The following ESR1 variants were observed in gnomAD, a reference collection of about 807,000 sequenced individuals.
ESR1 encodes the protein estrogen receptor.
In ESR1, 12 loss-of-function variants were observed where a neutral mutation model predicts 52.7. The ratio of observed to expected loss-of-function variants is 0.23; its 90% CI spans 0.15 to 0.37. The LOEUF (loss-of-function observed/expected upper bound fraction) is 0.37, where lower values mean the gene tolerates loss of function less well. ESR1 is among the 10% of genes least tolerant of loss of function. ESR1 has a pLI of 1.00. For synonymous variants in ESR1, 305 were observed against 316.8 expected (o/e 0.96, Z 0.39); for missense variants, 584 against 779.7 (o/e 0.75, Z 2.99).
At chr6:151,724,522 C>T (rs573731504) in intron 2 of ESR1, among the ~76,000 whole-genome samples, 20 of 152,144 alleles carry the variant, frequency 1.3e-4, no homozygotes, top group Middle Eastern at 3.4e-3. Flanking sequence ...CAAGGATCAC[C>T]GTATGATGCT....
chr6:152,046,798 C>T (rs1384319055), intron 5 of ESR1, among the ~76,000 whole-genome samples: 4 of 152,212 alleles, frequency 2.6e-5, no homozygotes, highest in African/African-American at 9.6e-5. Flanking sequence ...GCATTACTCT[C>T]CTGACAGCTG....
rs1395782571 is a variant in ESR1, at chr6:151,809,515, A to G, written c.452+1151A>G. ...CACATGGCTGGGTCCTGAATTAGGC[A>G]TTTCCCAACTGTACACTGGTATCCG... On this transcript the variant is annotated intron_variant, in intron 1 of 7. Coordinates refer to ENST00000206249, the MANE Select transcript of ESR1 (RefSeq NM_000125.4). Among the ~76,000 whole-genome samples the G allele has an allele frequency of 2.0e-5, 3 of 152,128 alleles. No homozygotes were observed. The East Asian group carries it at 5.8e-4, about 29-fold the overall frequency.
At chr6:152,048,041 C>T (rs2046371021) in intron 5 of ESR1, among the ~76,000 whole-genome samples, 1 of 132,340 alleles carries the variant, frequency 7.6e-6, no homozygotes, top group Non-Finnish European at 1.5e-5. Flanking sequence ...CAACTTTTTT[C>T]CTGGCTAATT....
intron 4 of ESR1, 115 bp downstream of exon 4, chr6:151,944,623 C>A: frequency 1.1e-6 from 1 of 913,746 alleles, no homozygotes; most frequent in Non-Finnish European, 1.7e-6. Context: ...TAATTGGTTT[C>A]AAGGTTACAG....
chr6:151,762,685 C>T (rs1255257863), intron 2 of ESR1, among the ~76,000 whole-genome samples: 1 of 152,106 alleles, frequency 6.6e-6, no homozygotes, highest in Non-Finnish European at 1.5e-5. Flanking sequence ...ATTAATAGGC[C>T]AGATGCAGTG....
intron 4 of ESR1, among the ~76,000 whole-genome samples, chr6:151,962,199 A>C (rs2037747132): frequency 6.6e-6 from 1 of 152,056 alleles, no homozygotes; most frequent in Non-Finnish European, 1.5e-5. Flanking sequence ...TTCTGCATGG[A>C]TGTATTGAAA....
rs188691564 is a variant in ESR1 at position 151,963,777 on chromosome 6, C to T, written c.1096+19269C>T. 1.8e-3 allele frequency among the ~76,000 whole-genome samples: 267 copies of T among 152,296 alleles called. 1 individual carries two copies. The highest frequency in any genetic ancestry group is 5.9e-3 in the African/African-American group (246 of 41,566). On this transcript the variant is annotated intron_variant, in intron 4 of 7. Transcript: ENST00000206249. ...CAGATCAATGTCATGGAGCATTTCT[C>T]CTATGTTTTCTTCTGGTATTTATAT...
At chr6:152,114,755 G>A (rs1041230791) in intron 6 of ESR1, among the ~76,000 whole-genome samples, 6 of 150,600 alleles carry the variant, frequency 4.0e-5, no homozygotes, top group Non-Finnish European at 7.4e-5. Flanking sequence ...GCCGGGCGTA[G>A]TGGCGGGCGC....
intron 4 of ESR1, among the ~76,000 whole-genome samples, chr6:151,999,111 G>A (rs1165190930): frequency 6.6e-6 from 1 of 151,990 alleles, no homozygotes; most frequent in African/African-American, 2.4e-5. Flanking sequence ...TCATACCTCA[G>A]GCAAATCTTT....
At chr6:151,822,495 T>A (rs1268104145) in intron 1 of ESR1, among the ~76,000 whole-genome samples, 1 of 152,218 alleles carries the variant, frequency 6.6e-6, no homozygotes, top group Non-Finnish European at 1.5e-5. Context: ...TGGAGACAGA[T>A]GATGCTAAAC....
chr6:151,808,420 G>T, intron 1 of ESR1, 56 bp downstream of exon 1: 1 of 768,630 alleles, frequency 1.3e-6, no homozygotes, highest in East Asian at 4.0e-5. Context: ...AGGAGGGAGG[G>T]AGGGAGGGAG....
At chr6:152,089,142 G>A (rs2049979780) in intron 6 of ESR1, among the ~76,000 whole-genome samples, 1 of 152,172 alleles carries the variant, frequency 6.6e-6, no homozygotes. Flanking sequence ...AGGCTATCAG[G>A]AAAACTCTGG....
At chr6:151,769,476 G>T (rs189437802) in intron 2 of ESR1, among the ~76,000 whole-genome samples, 1 of 152,310 alleles carries the variant, frequency 6.6e-6, no homozygotes, top group Non-Finnish European at 1.5e-5. Flanking sequence ...ATGGCAAGGG[G>T]AAAGTTAAAG....
chr6:152,021,083 C>G (rs772125170), intron 5 of ESR1, among the ~76,000 whole-genome samples: 3 of 152,070 alleles, frequency 2.0e-5, no homozygotes, highest in Non-Finnish European at 4.4e-5. Flanking sequence ...AAGTATTAAT[C>G]CTGGGTGTGT....
In ESR1 at chr6:152,037,948, A is replaced by C. The variant is rs533013612; in HGVS notation, c.1236-23043A>C. Reference sequence around the variant, plus strand: ...CTAATAGGATAGATGTATATATGAAAAGGAGTTTATTAAGGAGTATTGACT... The same window carrying C: ...CTAATAGGATAGATGTATATATGAACAGGAGTTTATTAAGGAGTATTGACT... On this transcript the variant is annotated intron_variant, in intron 5 of 7. Transcript: ENST00000206249. Among the ~76,000 whole-genome samples, 3 of 152,260 alleles carry C rather than the reference A, an allele frequency of 2.0e-5. No homozygotes were observed. In the East Asian group the frequency reaches 5.8e-4, roughly 29 times the overall value.
At chr6:151,787,834 T>C (rs1271355139) in intron 2 of ESR1, among the ~76,000 whole-genome samples, 1 of 152,216 alleles carries the variant, frequency 6.6e-6, no homozygotes, top group Non-Finnish European at 1.5e-5. Context: ...GGATGTGCTA[T>C]ATTTCTTTCT....
chr6:151,818,475 C>T (rs1023168051), intron 1 of ESR1, among the ~76,000 whole-genome samples: 2 of 152,118 alleles, frequency 1.3e-5, no homozygotes, highest in Non-Finnish European at 2.9e-5. Context: ...GAGTCCAACC[C>T]TTTTCTAAGA....
At position 151,760,398 on chromosome 6, in the gene ESR1, T is replaced by C. The variant is rs188511042; in HGVS notation, c.-70-47445T>C. Among the ~76,000 whole-genome samples the C allele has an allele frequency of 1.4e-4, 22 of 152,358 alleles. No homozygotes were observed. In the East Asian group the frequency reaches 4.0e-3, roughly 28 times the overall value. On this transcript the variant is annotated intron_variant, in intron 2 of 2. Coordinates refer to the ESR1 transcript ENST00000404742. Reference sequence around the variant, plus strand: ...CAAACAAGCATCTAGAAATAGAATATTAAATATCCCTCCTCTTAAAAATCC... The same window carrying C: ...CAAACAAGCATCTAGAAATAGAATACTAAATATCCCTCCTCTTAAAAATCC...
intron 2 of ESR1, among the ~76,000 whole-genome samples, chr6:151,760,196 A>G (rs1452209413): frequency 6.6e-6 from 1 of 152,100 alleles, no homozygotes; most frequent in Non-Finnish European, 1.5e-5. Flanking sequence ...TTTGGTTCTC[A>G]GCTCTTCCTT....
Sources: allele counts gnomAD v4.1 joint callset (sites outside exome capture counted in the v4.1 genomes callset), GRCh38; gene constraint gnomAD v4.1.1; transcripts MANE v1.5; gene names NCBI Gene and HGNC (gene_info 2026-07-23, HGNC 2026-07-21).